CLVS1: variants seen among roughly 807,000 people sequenced by gnomAD.
CLVS1 encodes the protein clavesin 1, also known as clavesin-1.
CLVS1 carries 10 observed loss-of-function variants against 33.1 expected under a neutral mutation model. The observed-to-expected ratio is 0.30, with a 90% confidence interval of 0.19 to 0.51. CLVS1 has a LOEUF of 0.51. Among genes scored for constraint, CLVS1 ranks in the 20% least tolerant of loss-of-function variants. The pLI is 0.97. For missense variants in CLVS1, 343 were observed against 433.4 expected, an observed-to-expected ratio of 0.79 and a Z score of 1.85; for synonymous variants, 163 against 166.1, an observed-to-expected ratio of 0.98 and a Z score of 0.14.
At chr8:61,191,126 A>G (rs1807463724) in intron 2 of CLVS1, among the ~76,000 whole-genome samples, 1 of 152,348 alleles carries the variant, frequency 6.6e-6, no homozygotes, top group East Asian at 1.9e-4. Flanking sequence ...AAAATCCTCA[A>G]TAAAATACCG....
chr8:61,118,763 A>G (rs1805796263), intron 1 of CLVS1, among the ~76,000 whole-genome samples: 1 of 152,038 alleles, frequency 6.6e-6, no homozygotes, highest in South Asian at 2.1e-4. Flanking sequence ...CTGTTCTTTT[A>G]TATTTGCTGA....
At chr8:61,224,563 G>A (rs190611747) in intron 2 of CLVS1, among the ~76,000 whole-genome samples, 295 of 152,232 alleles carry the variant, frequency 1.9e-3, no homozygotes, top group Non-Finnish European at 3.2e-3. Flanking sequence ...TCTGGGACCC[G>A]ACTTCGAGGG....
At chr8:61,303,038 G>T (rs1444964211) in intron 2 of CLVS1, among the ~76,000 whole-genome samples, 1 of 152,136 alleles carries the variant, frequency 6.6e-6, no homozygotes, top group Admixed American at 6.5e-5. Context: ...CAAGACTGAG[G>T]ATTGCAACTC....
At chr8:61,450,947 T>G (rs1056018946) in intron 3 of CLVS1, among the ~76,000 whole-genome samples, 1 of 152,174 alleles carries the variant, frequency 6.6e-6, no homozygotes, top group Admixed American at 6.5e-5. Flanking sequence ...CATGTCACTT[T>G]CGGAGCCAGC....
chr8:61,491,985 T>A (rs747085812), intron 5 of CLVS1, among the ~76,000 whole-genome samples: 5 of 152,156 alleles, frequency 3.3e-5, no homozygotes, highest in Non-Finnish European at 4.4e-5. Flanking sequence ...GAGTGTCAGT[T>A]TGAGAACTAA....
rs536840776 is a variant in CLVS1, at chr8:61,115,344, ATTTTATTTTTAT to A, written c.-242-16411_-242-16400del. On this transcript the variant is annotated intron_variant, in intron 1 of 2. Transcript: ENST00000522621. ...AAAAATGGCAACTCTTATTTTTTTTATTTTATTTTTATTTTTATTTTTATTTATTTATTTATT... is the reference window on the plus strand; with the variant it reads ...AAAAATGGCAACTCTTATTTTTTTTATTTTATTTTTATTTATTTATTTATT... Among the ~76,000 whole-genome samples, 7 of 151,266 alleles carry A rather than the reference ATTTTATTTTTAT, an allele frequency of 4.6e-5. No homozygotes were observed. The East Asian group carries it at 7.7e-4, about 17-fold the overall frequency.
the CLVS1 span, among the ~76,000 whole-genome samples, chr8:60,991,088 C>T: frequency 0.056 from 8,513 of 152,070 alleles, 322 homozygotes; most frequent in Non-Finnish European, 0.085. Flanking sequence ...CAGAAGCTTA[C>T]CATCTGGTAG....
rs76911034 is a variant in CLVS1 at position 61,351,536 on chromosome 8, G to A, written c.456-25069G>A. Among the ~76,000 whole-genome samples the A allele has an allele frequency of 5.8e-3, 875 of 152,094 alleles. 8 individuals are homozygous for A. The highest frequency in any genetic ancestry group is 0.021 in the African/African-American group (856 of 41,518). On this transcript the variant is annotated intron_variant, in intron 2 of 5. Transcript: ENST00000325897. ...ATGAAAGAGTATTTGAATAAGTAAT[G>A]GCTGAAAACTTCCCAAATTTGGTTA... is the stretch of plus-strand genomic sequence containing the variant.
intron 2 of CLVS1, among the ~76,000 whole-genome samples, chr8:61,132,938 G>A (rs1806127253): frequency 6.6e-6 from 1 of 152,216 alleles, no homozygotes; most frequent in Admixed American, 6.5e-5. Context: ...GGAAGCTTTT[G>A]TGGGGTGGGC....
chr8:61,476,154 A>G (rs1237225073), intron 5 of CLVS1, among the ~76,000 whole-genome samples: 2 of 152,146 alleles, frequency 1.3e-5, no homozygotes, highest in Non-Finnish European at 2.9e-5. Context: ...CCATTGATCT[A>G]TATCTCTGTT....
the CLVS1 span, among the ~76,000 whole-genome samples, chr8:61,015,750 G>C: frequency 6.6e-6 from 1 of 152,168 alleles, no homozygotes; most frequent in Non-Finnish European, 1.5e-5. Flanking sequence ...ATAGCTTCGG[G>C]AGGGAATTAG....
intron 2 of CLVS1, among the ~76,000 whole-genome samples, chr8:61,143,449 A>G (rs1472701836): frequency 6.6e-6 from 1 of 152,190 alleles, no homozygotes; most frequent in Non-Finnish European, 1.5e-5. Flanking sequence ...GACTTGTGAC[A>G]TATGAGCAAG....
chr8:61,348,264 A>G (rs1283386514), intron 2 of CLVS1, among the ~76,000 whole-genome samples: 3 of 145,352 alleles, frequency 2.1e-5, no homozygotes, highest in Non-Finnish European at 4.5e-5. Flanking sequence ...TCTCAATCAT[A>G]GGTGGGAATT....
intron 2 of CLVS1, among the ~76,000 whole-genome samples, chr8:61,193,392 A>G (rs1807535779): frequency 6.6e-6 from 1 of 152,062 alleles, no homozygotes; most frequent in Non-Finnish European, 1.5e-5. Context: ...AGGGGGAGGG[A>G]TAGCATTAGG....
intron 1 of CLVS1, among the ~76,000 whole-genome samples, chr8:61,099,831 A>T (rs754732439): frequency 6.6e-6 from 1 of 152,262 alleles, no homozygotes; most frequent in Non-Finnish European, 1.5e-5. Context: ...ATCAGAAATG[A>T]TTCCAATCCT....
At chr8:61,280,123 A>G in intron 2 of CLVS1, among the ~76,000 whole-genome samples, 1 of 152,160 alleles carries the variant, frequency 6.6e-6, no homozygotes, top group African/African-American at 2.4e-5. Context: ...CTCACTTGCT[A>G]CTGTTTATCT....
rs151222078 is a variant in CLVS1, at chr8:61,087,469, C to G, written c.-243+30239C>G. On this transcript the variant is annotated intron_variant, in intron 1 of 2. Coordinates refer to the CLVS1 transcript ENST00000522621. The stretch of plus-strand genomic sequence containing the variant: ...GTCATTCTGTTTCTTTCCTCTCCCC[C>G]CTCCTCATGCTCCAACTCAGAGGAG... 4.3e-3 allele frequency among the ~76,000 whole-genome samples: 652 copies of G among 152,298 alleles called. 3 individuals are homozygous for G. Among genetic ancestry groups the G allele is most frequent in the Non-Finnish European group, 6.8e-3 (460 of 68,026 alleles).
At chr8:61,278,634 G>A (rs1809609463) in intron 2 of CLVS1, among the ~76,000 whole-genome samples, 1 of 152,228 alleles carries the variant, frequency 6.6e-6, no homozygotes. Context: ...TAATGTGTGT[G>A]TGTATAGATG....
chr8:61,488,891 TG>T (rs1419813824), intron 5 of CLVS1, among the ~76,000 whole-genome samples: 1 of 152,184 alleles, frequency 6.6e-6, no homozygotes. Flanking sequence ...AGTTCCAGGA[TG>T]GGTGTGTCTT....
Sources: gnomAD v4.1 joint callset for allele counts (sites outside exome capture counted in the v4.1 genomes callset) on GRCh38, gnomAD v4.1.1 for gene constraint, MANE v1.5 for transcripts, NCBI Gene and HGNC (gene_info 2026-07-23, HGNC 2026-07-21) for gene names.